DNAH8: variants seen among roughly 807,000 people sequenced by gnomAD.
DNAH8 encodes the protein axonemal beta dynein heavy chain 8.
A neutral mutation model predicts 562.1 loss-of-function variants in DNAH8; 382 were observed. The observed-to-expected ratio is 0.68, with a 90% confidence interval of 0.63 to 0.74. The LOEUF (loss-of-function observed/expected upper bound fraction) is 0.74, where lower values mean the gene tolerates loss of function less well. Among genes scored for constraint, DNAH8 ranks in the 30% least tolerant of loss-of-function variants. The pLI is 0.00. For missense variants in DNAH8, 5,203 were observed against 5,620.4 expected (o/e 0.93, Z 2.37); for synonymous variants, 1,881 against 1,919.4 (o/e 0.98, Z 0.52).
intron 92 of DNAH8, 92 bp downstream of exon 92, chr6:39,026,759 AG>A (rs1767316784): frequency 7.1e-7 from 1 of 1,417,182 alleles, no homozygotes; most frequent in African/African-American, 1.4e-5. Context: ...TGCCTTGGTT[AG>A]GTCCATTTGC....
chr6:38,789,055 A>G (rs1359592187), intron 18 of DNAH8, among the ~76,000 whole-genome samples: 4 of 152,212 alleles, frequency 2.6e-5, no homozygotes, highest in Non-Finnish European at 4.4e-5. Context: ...ATGTACTGTT[A>G]TAAATCGAAG....
chr6:38,836,055 C>G (rs868772858), intron 32 of DNAH8, among the ~76,000 whole-genome samples: 1 of 151,932 alleles, frequency 6.6e-6, no homozygotes, highest in Non-Finnish European at 1.5e-5. Flanking sequence ...GCAGAATTGA[C>G]GGGCCTGAAA....
At chr6:38,925,053 T>G (rs1782003957) in intron 73 of DNAH8, 1 of 152,198 alleles carries the variant, frequency 6.6e-6, no homozygotes, top group African/African-American at 2.4e-5. Context: ...TGCTGTTTCC[T>G]TAGGGGATGC....
intron 24 of DNAH8, among the ~76,000 whole-genome samples, chr6:38,809,632 T>A (rs550603931): frequency 6.6e-6 from 1 of 152,306 alleles, no homozygotes; most frequent in South Asian, 2.1e-4. Flanking sequence ...TATGTCTTCT[T>A]TAATATCTCT....
intron 88 of DNAH8, among the ~76,000 whole-genome samples, chr6:39,003,217 A>G (rs1170345246): frequency 6.6e-6 from 1 of 152,170 alleles, no homozygotes; most frequent in African/African-American, 2.4e-5. Flanking sequence ...GAGGAGAGAA[A>G]AGGATGCAAT....
At chr6:38,726,517 A>G (rs1049094208) in intron 3 of DNAH8, among the ~76,000 whole-genome samples, 3 of 152,162 alleles carry the variant, frequency 2.0e-5, no homozygotes, top group African/African-American at 7.2e-5. Context: ...CTTTAAGGCC[A>G]TTATGGTCCA....
rs114612270 is a variant in DNAH8, at chr6:38,978,569, C to T, written c.12835-3777C>T. 6.8e-3 allele frequency among the ~76,000 whole-genome samples: 1,042 copies of T among 152,284 alleles called. 10 individuals carry two copies. The highest frequency in any genetic ancestry group is 0.022 in the African/African-American group (917 of 41,550). ...GGCTGCTTCTGTCAACTATTTTTAC[C>T]TAGTAAAGTTTCCCTTACATTGTCT... On this transcript the variant is annotated intron_variant, in intron 85 of 92. Transcript: ENST00000327475.
intron 9 of DNAH8, among the ~76,000 whole-genome samples, chr6:38,755,624 G>T (rs2127600145): frequency 6.6e-6 from 1 of 152,226 alleles, no homozygotes; most frequent in Non-Finnish European, 1.5e-5. Flanking sequence ...CCTTTAAAAA[G>T]AGCAGAATGA....
chr6:38,811,315 C>T (rs902358766), intron 24 of DNAH8, among the ~76,000 whole-genome samples: 2 of 152,172 alleles, frequency 1.3e-5, no homozygotes, highest in African/African-American at 4.8e-5. Flanking sequence ...AGATGAGGTG[C>T]CAGGACACAG....
intron 71 of DNAH8, among the ~76,000 whole-genome samples, chr6:38,922,584 C>A (rs540380216): frequency 6.8e-4 from 104 of 152,182 alleles, no homozygotes; most frequent in Non-Finnish European, 1.3e-3. Flanking sequence ...GTGTTTAGCA[C>A]CAGCTCACAA....
At chr6:38,908,236 A>T in intron 64 of DNAH8, 116 bp downstream of exon 64, 1 of 584,948 alleles carries the variant, frequency 1.7e-6, no homozygotes, top group Non-Finnish European at 2.7e-6. Context: ...ACATTGAATT[A>T]AAATTAACAC....
chr6:38,948,458 C>T (rs761631966), intron 80 of DNAH8, among the ~76,000 whole-genome samples: 3 of 152,164 alleles, frequency 2.0e-5, no homozygotes, highest in Non-Finnish European at 4.4e-5. Context: ...CCTGCCTCAG[C>T]CTCCCGAGTA....
intron 88 of DNAH8, among the ~76,000 whole-genome samples, chr6:39,008,561 GT>G (rs1317133135): frequency 6.6e-6 from 1 of 152,090 alleles, no homozygotes; most frequent in East Asian, 1.9e-4. Context: ...TTCCAAGGGT[GT>G]TTTTGGGTCT....
chr6:38,845,886 G>A (rs978018014), intron 36 of DNAH8, 113 bp downstream of exon 36: 10 of 864,328 alleles, frequency 1.2e-5, no homozygotes, highest in East Asian at 2.6e-5. Context: ...ACTAAATTTG[G>A]TATTATCTTG....
intron 57 of DNAH8, among the ~76,000 whole-genome samples, chr6:38,889,251 T>C (rs1453082349): frequency 6.6e-6 from 1 of 152,262 alleles, no homozygotes; most frequent in African/African-American, 2.4e-5. Flanking sequence ...AGAAATACAA[T>C]GCTGAATTGA....
At chr6:38,956,567 C>T (rs1044010764) in intron 82 of DNAH8, among the ~76,000 whole-genome samples, 3 of 152,206 alleles carry the variant, frequency 2.0e-5, no homozygotes, top group African/African-American at 7.2e-5. Flanking sequence ...ACTATCCCAT[C>T]TGTGCAGAGA....
At chr6:38,961,735 T>C (rs1171085986) in intron 82 of DNAH8, among the ~76,000 whole-genome samples, 1 of 152,094 alleles carries the variant, frequency 6.6e-6, no homozygotes, top group East Asian at 1.9e-4. Flanking sequence ...AACATCGTGA[T>C]ACTTATTGGC....
Position 38,866,678 on chromosome 6 carries a change from GTATGCAC to G in DNAH8, c.6585+4_6585+10del. ...TGCTATGATGGTTCCTGATAGACAGGTATGCACTAGGATTTAAAAGCATAATGTGCTT... is the reference window on the plus strand; with the variant it reads ...TGCTATGATGGTTCCTGATAGACAGGTAGGATTTAAAAGCATAATGTGCTT... On this transcript the variant is annotated splice_donor_variant and splice_donor_5th_base_variant and intron_variant, in intron 46 of 92. Transcript: ENST00000327475. LOFTEE classifies it high-confidence loss of function. 6.2e-7 allele frequency: 1 copy of G among 1,610,862 alleles called. No individual in the cohort carries two copies. The highest frequency in any genetic ancestry group is 8.5e-7 in the Non-Finnish European group (1 of 1,178,256).
chr6:38,989,069 A>G (rs1201951458), intron 87 of DNAH8, among the ~76,000 whole-genome samples: 4 of 152,236 alleles, frequency 2.6e-5, no homozygotes, highest in African/African-American at 9.6e-5. Flanking sequence ...AACAGAGAGA[A>G]TCAGTACACA....
Sources: allele counts gnomAD v4.1 joint callset (sites outside exome capture counted in the v4.1 genomes callset), GRCh38; gene constraint gnomAD v4.1.1; transcripts MANE v1.5; gene names NCBI Gene and HGNC (gene_info 2026-07-23, HGNC 2026-07-21).